Variants in ARHGEF12 observed in about 807,000 individuals in gnomAD.
ARHGEF12 encodes the protein KMT2A/ARHGEF12 fusion protein.
In ARHGEF12, 66 loss-of-function variants were observed where a neutral mutation model predicts 211.2. That is an observed-to-expected ratio of 0.31 (90% CI 0.26 to 0.38). ARHGEF12 has a LOEUF of 0.38. ARHGEF12 is among the 10% of genes least tolerant of loss of function. The probability of loss-of-function intolerance (pLI) is 1.00; values close to 1 mark genes in which losing one functional copy is unlikely to be tolerated. For synonymous variants in ARHGEF12, 592 were observed against 638.4 expected (o/e 0.93, Z 1.09); for missense variants, 1,429 against 1,869.5 (o/e 0.76, Z 4.34).
chr11:120,395,056 C>CAAAAAAAAAAAAAAAAAAAAA (rs758953056), intron 1 of ARHGEF12, among the ~76,000 whole-genome samples: 1 of 34,586 alleles, frequency 2.9e-5, no homozygotes, highest in Non-Finnish European at 6.3e-5. Flanking sequence ...GACTCTATCT[C>CAAAAAAAAAAAAAAAAAAAAA]AAAAAAAAAA....
chr11:120,481,275 T>C lies in ARHGEF12; in HGVS notation c.4253T>C (p.Leu1418Pro). The C allele has an allele frequency of 1.2e-6, 2 of 1,614,110 alleles. No individual in the cohort carries two copies. Among genetic ancestry groups the C allele is most frequent in the Non-Finnish European group, 1.7e-6 (2 of 1,179,950 alleles). Residue 1418 changes from leucine to proline, a missense_variant, in exon 39 of 41, where the codon CTT becomes CCT. Physicochemically the swap from Leu to Pro is moderately conservative, Grantham distance 98. Coordinates refer to ENST00000397843, the MANE Select transcript of ARHGEF12 (RefSeq NM_015313.3). ...NLRISGNYLILDGYDPVQESS... is the reference protein window; with the variant it reads ...NLRISGNYLIPDGYDPVQESS... ...CTATCCATAGGAAACTATTTGATCC[T>C]TGATGGCTATGACCCAGTGCAGGAG...
intron 39 of ARHGEF12, 22 bp from the exon 40 acceptor site, chr11:120,484,416 A>G: frequency 6.2e-7 from 1 of 1,607,476 alleles, no homozygotes. Flanking sequence ...TGAATAAAAA[A>G]CCTATGGGTT....
chr11:120,425,012 G>A (rs937942313), intron 7 of ARHGEF12, among the ~76,000 whole-genome samples: 1 of 152,194 alleles, frequency 6.6e-6, no homozygotes, highest in Non-Finnish European at 1.5e-5. Context: ...CTTGGACTTA[G>A]TTCTCTGTGG....
intron 2 of ARHGEF12, among the ~76,000 whole-genome samples, chr11:120,407,295 G>A (rs959808728): frequency 1.3e-5 from 2 of 152,308 alleles, no homozygotes; most frequent in African/African-American, 2.4e-5. Context: ...AATGAGGCTT[G>A]CCTAAGGCTG....
chr11:120,477,080 T>TG (rs1947054155), intron 34 of ARHGEF12, 139 bp from the exon 35 acceptor site: 13 of 684,078 alleles, frequency 1.9e-5, no homozygotes, highest in African/African-American at 1.4e-4. Context: ...GCAGAGTGGG[T>TG]TTTGTTGTTG....
rs1359828543 is a variant in ARHGEF12 at position 120,420,929 on chromosome 11, A to G, written c.298+78A>G. 8.2e-6 allele frequency: 10 copies of G among 1,225,166 alleles called. No homozygotes were observed. In the Admixed American group the frequency reaches 1.9e-4, roughly 24 times the overall value. 75.9% of individuals were successfully genotyped at this position (1,225,166 alleles called of 1,614,324 possible). A position where few individuals can be genotyped will look rare whatever the true frequency, so the allele number is the denominator to read the frequency against. On this transcript the variant is annotated intron_variant, in intron 5 of 40. Coordinates refer to ENST00000397843, the MANE Select transcript of ARHGEF12 (RefSeq NM_015313.3). Reference sequence around the variant, plus strand: ...AAAGCTTAAATAATGGCAATTGCCAAGAATAGAATAATTACATAGATTGCA... The same window carrying G: ...AAAGCTTAAATAATGGCAATTGCCAGGAATAGAATAATTACATAGATTGCA...
intron 27 of ARHGEF12, chr11:120,463,440 G>C (rs10892580): frequency 6.7e-6 from 1 of 149,880 alleles, no homozygotes; most frequent in Admixed American, 6.7e-5. Flanking sequence ...CAGGAGAATC[G>C]CTTGAACCTG....
At chr11:120,369,177 G>GT (rs139643594) in intron 1 of ARHGEF12, among the ~76,000 whole-genome samples, 23,147 of 144,108 alleles carry the variant, frequency 0.16, 2,112 homozygotes, top group Admixed American at 0.29. Flanking sequence ...CCCCCAGTCT[G>GT]GAGTGCAGTG....
At chr11:120,360,538 G>A (rs565300957) in intron 1 of ARHGEF12, among the ~76,000 whole-genome samples, 1 of 152,114 alleles carries the variant, frequency 6.6e-6, no homozygotes, top group African/African-American at 2.4e-5. Context: ...GACCATAAGT[G>A]CATACCACCA....
chr11:120,386,476 G>A (rs960336476), intron 1 of ARHGEF12, among the ~76,000 whole-genome samples: 3 of 152,070 alleles, frequency 2.0e-5, no homozygotes, highest in Non-Finnish European at 4.4e-5. Flanking sequence ...TTCCATCATG[G>A]TGATATGAGT....
chr11:120,450,613 TA>T, intron 21 of ARHGEF12: 1 of 152,176 alleles, frequency 6.6e-6, no homozygotes, highest in East Asian at 1.9e-4. Flanking sequence ...GATTAGGGTA[TA>T]AAAAGTTGTG....
rs540714549 is a variant in ARHGEF12, at chr11:120,467,936, A to G, written c.2854+628A>G. On this transcript the variant is annotated intron_variant, in intron 29 of 40. Coordinates refer to ENST00000397843, the MANE Select transcript of ARHGEF12 (RefSeq NM_015313.3). Reference sequence around the variant, plus strand: ...CTGTCCCTGATTGCTTTTACATTATAACAGCAGAGTCGAGTAGTTTTATCG... The same window carrying G: ...CTGTCCCTGATTGCTTTTACATTATGACAGCAGAGTCGAGTAGTTTTATCG... Among the ~76,000 whole-genome samples, 156 of 152,284 alleles carry G rather than the reference A, an allele frequency of 1.0e-3. 1 individual carries two copies. In the Middle Eastern group the frequency reaches 0.034, roughly 33 times the overall value.
chr11:120,452,344 G>T (rs1485621570), intron 22 of ARHGEF12, among the ~76,000 whole-genome samples: 1 of 152,138 alleles, frequency 6.6e-6, no homozygotes, highest in East Asian at 1.9e-4. Flanking sequence ...GAAGAGTAAA[G>T]AAAGATATGA....
intron 39 of ARHGEF12, among the ~76,000 whole-genome samples, chr11:120,482,625 G>A (rs1385159797): frequency 1.3e-5 from 2 of 151,848 alleles, no homozygotes; most frequent in African/African-American, 4.8e-5. Flanking sequence ...GGCGCCTGTA[G>A]TCCCAGCTAC....
At chr11:120,482,600 C>T (rs1378657440) in intron 39 of ARHGEF12, among the ~76,000 whole-genome samples, 1 of 152,048 alleles carries the variant, frequency 6.6e-6, no homozygotes, top group African/African-American at 2.4e-5. Context: ...AAAAAATCAG[C>T]CAGGTGTGGT....
At chr11:120,403,947 G>T (rs1944617770) in intron 1 of ARHGEF12, among the ~76,000 whole-genome samples, 1 of 152,190 alleles carries the variant, frequency 6.6e-6, no homozygotes, top group Non-Finnish European at 1.5e-5. Context: ...TTTCAGACCT[G>T]CCTTTCTGTA....
At chr11:120,438,468 T>C (rs1386547073) in intron 12 of ARHGEF12, 2 of 152,096 alleles carry the variant, frequency 1.3e-5, no homozygotes, top group African/African-American at 2.4e-5. Context: ...TTTTTTGGAA[T>C]ATTAAAGCCT....
chr11:120,375,336 G>A (rs556526597), intron 1 of ARHGEF12, among the ~76,000 whole-genome samples: 42 of 152,182 alleles, frequency 2.8e-4, no homozygotes, highest in Non-Finnish European at 2.9e-4. Flanking sequence ...GCATTGGGAA[G>A]TATTTTTAAC....
rs139895898 is a variant in ARHGEF12, at chr11:120,443,422, C to G, written c.1302+1220C>G. Among the ~76,000 whole-genome samples the G allele has an allele frequency of 6.3e-3, 961 of 152,304 alleles. 16 individuals are homozygous for G. The highest frequency in any genetic ancestry group is 0.021 in the African/African-American group (860 of 41,568). On this transcript the variant is annotated intron_variant, in intron 15 of 40. Transcript: ENST00000397843. ...ACTCTAACAATTATCCTCCCTTCTCCTGCATCATCGGTTTTATATTTTCTA... is the reference window on the plus strand; with the variant it reads ...ACTCTAACAATTATCCTCCCTTCTCGTGCATCATCGGTTTTATATTTTCTA...
Sources: allele counts gnomAD v4.1 joint callset (sites outside exome capture counted in the v4.1 genomes callset), GRCh38; gene constraint gnomAD v4.1.1; transcripts MANE v1.5; gene names NCBI Gene and HGNC (gene_info 2026-07-23, HGNC 2026-07-21).